The following SOD2 variants were observed in gnomAD, a reference collection of about 807,000 sequenced individuals.
SOD2 encodes the protein superoxide dismutase [Mn], mitochondrial.
In SOD2, 11 loss-of-function variants were observed where a neutral mutation model predicts 27.0. The ratio of observed to expected loss-of-function variants is 0.41; its 90% CI spans 0.26 to 0.67. SOD2 has a LOEUF of 0.67. Among genes scored for constraint, SOD2 ranks in the 30% least tolerant of loss-of-function variants. SOD2 has a pLI of 0.34. For missense variants in SOD2, 250 were observed against 274.5 expected (o/e 0.91, Z 0.63); for synonymous variants, 105 against 103.0 (o/e 1.02, Z -0.12).
intron 1 of SOD2, chr6:159,755,765 CTTTTTTTT>C: frequency 8.8e-4 from 153 of 173,308 alleles, no homozygotes; most frequent in African/African-American, 2.3e-3. Context: ...TTTTTCTTTT[CTTTTTTTT>C]TTTTTTTTTT....
chr6:159,747,493 T>C (rs999820608), upstream of SOD2, among the ~76,000 whole-genome samples: 19 of 152,220 alleles, frequency 1.2e-4, no homozygotes, highest in Admixed American at 1.0e-3. Context: ...ATATGAATTA[T>C]ACTTTATTTT....
At chr6:159,728,131 C>T (rs1286391385), upstream of SOD2, among the ~76,000 whole-genome samples, 3 of 152,250 alleles carry the variant, frequency 2.0e-5, no homozygotes, top group African/African-American at 7.2e-5. Context: ...TTTCATGTCA[C>T]GCAGTAGGAT....
At position 159,680,432 on chromosome 6, in the gene SOD2, C is replaced by A. The variant is rs568348319; in HGVS notation, c.*2061G>T. The A allele has an allele frequency of 1.3e-5, 2 of 152,160 alleles. No individual in the cohort carries two copies. The highest frequency in any genetic ancestry group is 3.9e-4 in the East Asian group (2 of 5,172). 9.4% of individuals were successfully genotyped at this position (152,160 alleles called of 1,614,324 possible). A position where few individuals can be genotyped will look rare whatever the true frequency, so the allele number is the denominator to read the frequency against. ...CACACATACACACACCGCTTTGGTA[C>A]TCTTGTCTCTAATAATTTTTAAAGC... On this transcript the variant is annotated 3_prime_UTR_variant, in exon 5 of 5. Coordinates refer to ENST00000538183, the MANE Select transcript of SOD2 (RefSeq NM_000636.4).
At chr6:159,688,035 C>CA (rs1199234700) in intron 3 of SOD2, 91 bp downstream of exon 3, 3 of 795,872 alleles carry the variant, frequency 3.8e-6, no homozygotes, top group Non-Finnish European at 6.4e-6. Flanking sequence ...ACAAAAAAAA[C>CA]AAAAAACAAG....
rs1192177074 is a variant in SOD2 at position 159,672,126 on chromosome 6, T to G, written c.*10367A>C. On this transcript the variant is annotated 3_prime_UTR_variant, in exon 5 of 5. Coordinates refer to ENST00000538183, the MANE Select transcript of SOD2 (RefSeq NM_000636.4). Reference sequence around the variant, plus strand: ...CAAATCTACGTCTGATTGGTGTACCTGAAAGTGACGGGGAGAATGGAACCA... The same window carrying G: ...CAAATCTACGTCTGATTGGTGTACCGGAAAGTGACGGGGAGAATGGAACCA... 1 of 152,190 alleles carries G rather than the reference T, an allele frequency of 6.6e-6. No individual in the cohort carries two copies. Among genetic ancestry groups the G allele is most frequent in the African/African-American group, 2.4e-5 (1 of 41,434 alleles). The allele number at this position is 152,190 out of a possible 1,614,324, so 9.4% of individuals were successfully genotyped here.
chr6:159,693,271 G>C (rs1777326065), upstream of SOD2: 2 of 1,103,994 alleles, frequency 1.8e-6, no homozygotes. Context: ...CGGGCCTTAA[G>C]AAAGCGCGGG....
intron 1 of SOD2, among the ~76,000 whole-genome samples, chr6:159,703,811 T>C (rs968682997): frequency 6.6e-6 from 1 of 152,218 alleles, no homozygotes; most frequent in Non-Finnish European, 1.5e-5. Flanking sequence ...ACAACATAAC[T>C]AACTTGAAGA....
At chr6:159,734,825 G>T (rs1778805652) in intron 1 of SOD2, among the ~76,000 whole-genome samples, 1 of 151,930 alleles carries the variant, frequency 6.6e-6, no homozygotes, top group Non-Finnish European at 1.5e-5. Flanking sequence ...TGTTTGTCAG[G>T]TTAGCTCTTC....
chr6:159,713,918 G>T, intron 1 of SOD2: 1 of 915,332 alleles, frequency 1.1e-6, no homozygotes, highest in Non-Finnish European at 1.7e-6. Context: ...CACTTCATCA[G>T]CTGAGCAGGA....
rs1779616966 is a variant in SOD2 at position 159,669,824 on chromosome 6, ACT to A, written c.*12667_*12668del. On this transcript the variant is annotated 3_prime_UTR_variant, in exon 5 of 5. Transcript: ENST00000538183. The stretch of plus-strand genomic sequence containing the variant: ...ATGCAATATCTTTCTCCATACCTTC[ACT>A]TTTGGCCTGTCTTTACAGGTGAGGT... 6.6e-6 allele frequency: 1 copy of A among 151,604 alleles called. No homozygotes were observed. The highest frequency in any genetic ancestry group is 1.5e-5 in the Non-Finnish European group (1 of 67,950). 9.4% of individuals were successfully genotyped at this position (151,604 alleles called of 1,614,324 possible). A position where few individuals can be genotyped will look rare whatever the true frequency, so the allele number is the denominator to read the frequency against.
Position 159,733,876 on chromosome 6 carries a change from G to A in SOD2, c.-116+11254C>T, listed in dbSNP as rs151208826. Reference sequence around the variant, plus strand: ...GGTTGCGGTGAGCCGAGATCGCGCCGTTGCACTCCACCCCGGGCAACAAGA... The same window carrying A: ...GGTTGCGGTGAGCCGAGATCGCGCCATTGCACTCCACCCCGGGCAACAAGA... On this transcript the variant is annotated intron_variant, in intron 1 of 3. Transcript: ENST00000537657. Among the ~76,000 whole-genome samples the A allele has an allele frequency of 4.2e-3, 635 of 152,138 alleles. 7 individuals are homozygous for A. The highest frequency in any genetic ancestry group is 0.015 in the African/African-American group (610 of 41,502).
intron 1 of SOD2, among the ~76,000 whole-genome samples, chr6:159,756,541 A>G (rs1033480418): frequency 6.6e-6 from 1 of 150,798 alleles, no homozygotes; most frequent in African/African-American, 2.4e-5. Context: ...AATTGTTACA[A>G]AATATTTTAA....
chr6:159,749,624 G>A (rs1231574437), upstream of SOD2, among the ~76,000 whole-genome samples: 1 of 152,100 alleles, frequency 6.6e-6, no homozygotes, highest in Non-Finnish European at 1.5e-5. Context: ...CTTGACACTT[G>A]TTACTTTTAT....
rs538365464 is a variant in SOD2 at position 159,736,201 on chromosome 6, C to T, written c.-116+8929G>A. The T allele has an allele frequency of 1.6e-5, 25 of 1,535,158 alleles. No homozygotes were observed. The South Asian group carries it at 2.5e-4, about 15-fold the overall frequency. On this transcript the variant is annotated intron_variant, in intron 1 of 3. Transcript: ENST00000537657. ...TTTGAAAGAGTCAGTATTTTTTATTCCTACTTTCACTGGAAGAAAATAAAT... is the reference window on the plus strand; with the variant it reads ...TTTGAAAGAGTCAGTATTTTTTATTTCTACTTTCACTGGAAGAAAATAAAT...
At chr6:159,727,631 C>T, upstream of SOD2, 1 of 985,914 alleles carries the variant, frequency 1.0e-6, no homozygotes, top group Non-Finnish European at 1.2e-6. Context: ...CCCGGGGGGC[C>T]CGGGCGGCAG....
intron 1 of SOD2, chr6:159,738,932 T>C: frequency 7.6e-7 from 1 of 1,320,090 alleles, no homozygotes; most frequent in Non-Finnish European, 1.1e-6. Flanking sequence ...TAGGTCTCAT[T>C]ATAGAACTTT....
intron 1 of SOD2, among the ~76,000 whole-genome samples, chr6:159,699,705 G>A (rs1028619084): frequency 6.6e-6 from 1 of 152,054 alleles, no homozygotes; most frequent in Non-Finnish European, 1.5e-5. Context: ...GACTCTCAAG[G>A]GCTACTCAAG....
chr6:159,682,540 T>C lies in SOD2; in HGVS notation c.622A>G (p.Ile208Val), dbSNP rs777333117. 2 of 1,613,974 alleles carry C rather than the reference T, an allele frequency of 1.2e-6. No individual in the cohort carries two copies. The highest frequency in any genetic ancestry group is 2.2e-5 in the East Asian group (1 of 44,878). ...PDYLKAIWNV[I>V]NWENVTERYM... ...CTTTCAGTTACATTCTCCCAGTTGA[T>C]TACATTCCAAATAGCTTTTAGATAA... Residue 208 changes from isoleucine to valine, a missense_variant, in exon 5 of 5, where the codon ATC (isoleucine) becomes GTC (valine). Coordinates refer to ENST00000538183, the MANE Select transcript of SOD2 (RefSeq NM_000636.4).
chr6:159,760,680 AATGACTGGT>A (rs374281808), intron 1 of SOD2: 2 of 152,406 alleles, frequency 1.3e-5, no homozygotes, highest in African/African-American at 4.8e-5. Context: ...ATGCCGTAGG[AATGACTGGT>A]ATTACCCAGG....
Sources: gnomAD v4.1 joint callset for allele counts (sites outside exome capture counted in the v4.1 genomes callset) on GRCh38, gnomAD v4.1.1 for gene constraint, MANE v1.5 for transcripts, NCBI Gene and HGNC (gene_info 2026-07-23, HGNC 2026-07-21) for gene names.